PCDHA1: variants seen among roughly 807,000 people sequenced by gnomAD.
The protein encoded by PCDHA1 is protocadherin alpha-1.
Under a neutral mutation model 61.3 loss-of-function variants are expected in PCDHA1, and 42 were observed. The ratio of observed to expected loss-of-function variants is 0.69; its 90% CI spans 0.54 to 0.89. PCDHA1 has a LOEUF of 0.89. PCDHA1 is among the 40% of genes least tolerant of loss of function. PCDHA1 has a pLI of 0.00. For synonymous variants in PCDHA1, 610 were observed against 553.8 expected, an observed-to-expected ratio of 1.10 and a Z score of -1.43; for missense variants, 1,256 against 1,235.3, an observed-to-expected ratio of 1.02 and a Z score of -0.25.
intron 1 of PCDHA1, chr5:140,882,806 T>A: frequency 6.2e-7 from 1 of 1,614,218 alleles, no homozygotes; most frequent in Non-Finnish European, 8.5e-7. Flanking sequence ...TTATTTCACT[T>A]TGGACGCACA....
At chr5:140,897,872 A>G (rs1327007992) in intron 1 of PCDHA1, among the ~76,000 whole-genome samples, 1 of 152,068 alleles carries the variant, frequency 6.6e-6, no homozygotes, top group Non-Finnish European at 1.5e-5. Context: ...CTTTTTAATG[A>G]TTGCCATTCT....
intron 3 of PCDHA1, 85 bp from the exon 4 acceptor site, chr5:141,009,542 T>C: frequency 6.5e-7 from 1 of 1,530,742 alleles, no homozygotes; most frequent in Admixed American, 2.1e-5. Context: ...AGCCTGCCTA[T>C]GCAGTACTCC....
Position 140,869,893 on chromosome 5 carries a change from C to G in PCDHA1, c.2394+81209C>G, listed in dbSNP as rs375422597. 3 of 1,610,510 alleles carry G rather than the reference C, an allele frequency of 1.9e-6. No homozygotes were observed. The African/African-American group carries it at 4.0e-5, about 21-fold the overall frequency. ...TGCTAAAGAAACTCTTGTGCTCAAA[C>G]TAAACGCCACAGACCGAGACGAAGG... On this transcript the variant is annotated intron_variant, in intron 1 of 3. Transcript: ENST00000504120.
rs35252606 is a variant in PCDHA1, at chr5:140,912,343, ATT to A, written c.2395-66592_2395-66591del. The stretch of plus-strand genomic sequence containing the variant: ...CTCAGTATTAACCAGTACACTAAGT[ATT>A]TTTTTTTTTTTTTGCAGCTGTTGTA... On this transcript the variant is annotated intron_variant, in intron 1 of 3. Transcript: ENST00000504120. 3.7e-3 allele frequency among the ~76,000 whole-genome samples: 528 copies of A among 143,760 alleles called. 4 individuals are homozygous for A. The highest frequency in any genetic ancestry group is 8.3e-3 in the East Asian group (41 of 4,940). 94.3% of individuals were successfully genotyped at this position (143,760 alleles called of 152,430 possible).
At chr5:140,901,297 T>C (rs1224181769) in intron 1 of PCDHA1, among the ~76,000 whole-genome samples, 1 of 152,234 alleles carries the variant, frequency 6.6e-6, no homozygotes, top group Non-Finnish European at 1.5e-5. Context: ...CAGACTGATG[T>C]TCCGGAGAGT....
At chr5:140,903,202 C>T (rs1322362050) in intron 1 of PCDHA1, among the ~76,000 whole-genome samples, 4 of 152,184 alleles carry the variant, frequency 2.6e-5, no homozygotes, top group Admixed American at 2.0e-4. Context: ...GTGTCCTTTT[C>T]ACCACATTCA....
rs2098420479 is a variant in PCDHA1, at chr5:141,011,408, T to TAC, written c.*1472_*1473insCA. 6.5e-6 allele frequency: 1 copy of TAC among 153,814 alleles called. No individual in the cohort carries two copies. The highest frequency in any genetic ancestry group is 2.4e-5 in the African/African-American group (1 of 41,476). 9.5% of individuals were successfully genotyped at this position (153,814 alleles called of 1,614,324 possible). ...GAAATATACTTACTCTGTGCTTGTG[T>TAC]ATGTGAATGTTAATGCAACTATTAC... On this transcript the variant is annotated 3_prime_UTR_variant, in exon 4 of 4. Coordinates refer to ENST00000504120, the MANE Select transcript of PCDHA1 (RefSeq NM_018900.4).
At chr5:141,002,797 G>A (rs1025670333) in intron 3 of PCDHA1, among the ~76,000 whole-genome samples, 2 of 152,190 alleles carry the variant, frequency 1.3e-5, no homozygotes, top group African/African-American at 4.8e-5. Context: ...TATGGATGAG[G>A]AAACTGAGGC....
chr5:140,802,053 T>C, intron 1 of PCDHA1: 1 of 1,614,190 alleles, frequency 6.2e-7, no homozygotes, highest in Non-Finnish European at 8.5e-7. Flanking sequence ...TACGGACATG[T>C]CAGCAGATAT....
In PCDHA1 at chr5:140,985,839, A is replaced by G. The variant is rs570244448; in HGVS notation, c.2542+3276A>G. On this transcript the variant is annotated intron_variant, in intron 3 of 3. Coordinates refer to ENST00000504120, the MANE Select transcript of PCDHA1 (RefSeq NM_018900.4). ...ACAACAAGCTCTGCCTCCCGGGTTC[A>G]TGCCACTCTCCTGCCTCAGCCTCCT... Among the ~76,000 whole-genome samples the G allele has an allele frequency of 6.2e-5, 9 of 144,378 alleles. No homozygotes were observed. The East Asian group carries it at 1.9e-3, about 30-fold the overall frequency. 94.7% of individuals were successfully genotyped at this position (144,378 alleles called of 152,430 possible). A position where few individuals can be genotyped will look rare whatever the true frequency, so the allele number is the denominator to read the frequency against.
At chr5:140,907,590 C>A (rs924020141) in intron 1 of PCDHA1, among the ~76,000 whole-genome samples, 11 of 152,210 alleles carry the variant, frequency 7.2e-5, no homozygotes, top group Non-Finnish European at 1.6e-4. Flanking sequence ...TGGCTGATCA[C>A]CCTGAGGAAT....
intron 1 of PCDHA1, among the ~76,000 whole-genome samples, chr5:140,891,388 C>A (rs2063075244): frequency 6.6e-6 from 1 of 151,946 alleles, no homozygotes; most frequent in South Asian, 2.1e-4. Flanking sequence ...TATTTGCAAT[C>A]TTTTATCCCT....
intron 1 of PCDHA1, among the ~76,000 whole-genome samples, chr5:140,935,347 T>C (rs886241397): frequency 1.3e-5 from 2 of 152,180 alleles, no homozygotes; most frequent in African/African-American, 4.8e-5. Flanking sequence ...ATACGTCAAA[T>C]CCCAGTTTTC....
chr5:140,852,232 T>A (rs1441900683), intron 1 of PCDHA1: 2 of 602,048 alleles, frequency 3.3e-6, no homozygotes, highest in African/African-American at 4.0e-5. Context: ...TTTTAAATTT[T>A]CCCTTAAAAC....
At chr5:140,984,704 G>A (rs2097116148) in intron 3 of PCDHA1, among the ~76,000 whole-genome samples, 1 of 152,032 alleles carries the variant, frequency 6.6e-6, no homozygotes, top group Non-Finnish European at 1.5e-5. Flanking sequence ...CTGCTTGGAG[G>A]GAATATGGCA....
chr5:140,949,659 T>A (rs940241933), intron 1 of PCDHA1, among the ~76,000 whole-genome samples: 12 of 151,994 alleles, frequency 7.9e-5, no homozygotes, highest in Middle Eastern at 6.8e-3. Context: ...TACTTTTGTT[T>A]CTTTAAAGTA....
chr5:140,877,527 C>A (rs1554169810), intron 1 of PCDHA1: 1 of 1,613,642 alleles, frequency 6.2e-7, no homozygotes, highest in East Asian at 2.2e-5. Flanking sequence ...CCTCAGTGGG[C>A]GCTGTGGATC....
chr5:140,924,901 A>AAT (rs145282866), intron 1 of PCDHA1, among the ~76,000 whole-genome samples: 9,116 of 79,802 alleles, frequency 0.11, 381 homozygotes, highest in Middle Eastern at 0.21. Context: ...TCTCAAAAAA[A>AAT]AAAATAAAAT....
At position 140,787,039 on chromosome 5, in the gene PCDHA1, A is replaced by G. The variant is rs782479396; in HGVS notation, c.749A>G (p.His250Arg). Residue 250 changes from histidine to arginine, a missense_variant, in exon 1 of 4, where the codon CAC (histidine) becomes CGC (arginine). By Grantham distance (29) the His-to-Arg change is conservative. Coordinates refer to ENST00000504120, the MANE Select transcript of PCDHA1 (RefSeq NM_018900.4). ...PLFDQAVYRVHLLETTANGTL... is the reference protein window; with the variant it reads ...PLFDQAVYRVRLLETTANGTL... ...TTTGACCAGGCCGTATACAGAGTCC[A>G]CTTGTTAGAGACTACAGCAAATGGA... is the stretch of plus-strand genomic sequence containing the variant. 5.6e-6 allele frequency: 9 copies of G among 1,614,088 alleles called. No homozygotes were observed. The highest frequency in any genetic ancestry group is 5.3e-5 in the African/African-American group (4 of 74,926).
Sources: allele counts gnomAD v4.1 joint callset (sites outside exome capture counted in the v4.1 genomes callset), GRCh38; gene constraint gnomAD v4.1.1; transcripts MANE v1.5; gene names NCBI Gene and HGNC (gene_info 2026-07-23, HGNC 2026-07-21).